TMEM232: variants seen among roughly 807,000 people sequenced by gnomAD.
The protein encoded by TMEM232 is transmembrane protein 232.
A neutral mutation model predicts 78.8 loss-of-function variants in TMEM232; 80 were observed. The observed-to-expected ratio is 1.01, with a 90% CI of 0.85 to 1.22. The LOEUF is 1.22. TMEM232 is among the 50% of genes most tolerant of loss of function. The pLI is 0.00. For missense variants in TMEM232, 881 were observed against 742.2 expected (o/e 1.19, Z -2.17); for synonymous variants, 297 against 254.3 (o/e 1.17, Z -1.60).
chr5:110,617,700 A>G (rs1221868867), intron 8 of TMEM232, among the ~76,000 whole-genome samples: 27 of 152,144 alleles, frequency 1.8e-4, no homozygotes, highest in Admixed American at 1.8e-3. Flanking sequence ...TCACTCCTGT[A>G]ATCCCAGAAC....
chr5:110,639,087 A>G (rs935726238), intron 4 of TMEM232, among the ~76,000 whole-genome samples: 8 of 152,172 alleles, frequency 5.3e-5, no homozygotes, highest in Admixed American at 2.6e-4. Flanking sequence ...GAACCCTGAC[A>G]TGCTCAAGGG....
At chr5:110,647,921 T>A in intron 2 of TMEM232, among the ~76,000 whole-genome samples, 1 of 152,064 alleles carries the variant, frequency 6.6e-6, no homozygotes, top group Admixed American at 6.6e-5. Context: ...TAAATACATT[T>A]ATACATATCA....
In TMEM232 at chr5:110,592,036, T is replaced by C. The variant is rs533119222; in HGVS notation, c.1276+13073A>G. 2.3e-4 allele frequency among the ~76,000 whole-genome samples: 35 copies of C among 152,252 alleles called. 1 individual carries two copies. The East Asian group carries it at 2.9e-3, about 13-fold the overall frequency. ...CACCCAGAAAAAATCATTTTCTCTA[T>C]GTGGAAAAATTACTCAGTAATGCTA... On this transcript the variant is annotated intron_variant, in intron 10 of 13. Transcript: ENST00000455884.
intron 5 of TMEM232, among the ~76,000 whole-genome samples, chr5:110,632,873 A>T (rs1785312954): frequency 6.6e-6 from 1 of 152,220 alleles, no homozygotes. Context: ...AAGTCTACCA[A>T]GAGATTTAGA....
At chr5:110,476,960 T>C (rs2149387070) in intron 12 of TMEM232, among the ~76,000 whole-genome samples, 1 of 152,094 alleles carries the variant, frequency 6.6e-6, no homozygotes, top group African/African-American at 2.4e-5. Flanking sequence ...ATTCCCTTAG[T>C]ATTAAGACAG....
chr5:110,711,529 T>C (rs1796476034), intron 1 of TMEM232, among the ~76,000 whole-genome samples: 1 of 152,078 alleles, frequency 6.6e-6, no homozygotes, highest in Non-Finnish European at 1.5e-5. Flanking sequence ...GAGCTTCAAA[T>C]ATACTTCAAA....
At chr5:110,606,379 G>T (rs1248995134) in intron 8 of TMEM232, 92 bp from the exon 9 acceptor site, 17 of 1,248,430 alleles carry the variant, frequency 1.4e-5, no homozygotes, top group Non-Finnish European at 1.8e-5. Flanking sequence ...TAGGTCAGAG[G>T]AAATGCATGT....
At chr5:110,529,070 A>G (rs1175660250) in intron 11 of TMEM232, among the ~76,000 whole-genome samples, 2 of 152,164 alleles carry the variant, frequency 1.3e-5, no homozygotes, top group Non-Finnish European at 2.9e-5. Context: ...AAATTTTGAA[A>G]ATTTAGTTAG....
At chr5:110,563,100 C>T (rs2149665225) in intron 11 of TMEM232, among the ~76,000 whole-genome samples, 1 of 152,036 alleles carries the variant, frequency 6.6e-6, no homozygotes, top group East Asian at 1.9e-4. Context: ...AGCTAACTTT[C>T]CGCCTTCATT....
intron 1 of TMEM232, among the ~76,000 whole-genome samples, chr5:110,683,844 T>C (rs1476723555): frequency 2.0e-5 from 3 of 151,928 alleles, no homozygotes; most frequent in Admixed American, 2.0e-4. Flanking sequence ...TAAAAAAGAA[T>C]TCATTATAAC....
chr5:110,457,508 C>T (rs563040332), intron 12 of TMEM232, among the ~76,000 whole-genome samples: 1 of 151,934 alleles, frequency 6.6e-6, no homozygotes, highest in Admixed American at 6.6e-5. Context: ...CGGTATTTAG[C>T]CAGGTGAAAT....
At chr5:110,583,202 TG>T (rs1159068040) in intron 10 of TMEM232, among the ~76,000 whole-genome samples, 1 of 151,842 alleles carries the variant, frequency 6.6e-6, no homozygotes, top group East Asian at 1.9e-4. Context: ...AAAACAATCT[TG>T]AAAAAGAACA....
intron 12 of TMEM232, among the ~76,000 whole-genome samples, chr5:110,428,993 T>C (rs565301962): frequency 4.6e-5 from 7 of 151,908 alleles, no homozygotes; most frequent in South Asian, 2.1e-4. Flanking sequence ...GGGACTGAGA[T>C]TACATTGAAG....
intron 1 of TMEM232, among the ~76,000 whole-genome samples, chr5:110,704,175 T>C (rs1795699653): frequency 6.6e-6 from 1 of 152,100 alleles, no homozygotes; most frequent in African/African-American, 2.4e-5. Flanking sequence ...TCACTAGACA[T>C]AGGACTATGT....
In TMEM232 at chr5:110,481,760, G is replaced by C. The variant is rs189928916; in HGVS notation, c.1703+46828C>G. Among the ~76,000 whole-genome samples, 167 of 152,236 alleles carry C rather than the reference G, an allele frequency of 1.1e-3. 4 individuals are homozygous for C. In the South Asian group the frequency reaches 0.034, roughly 31 times the overall value. ...TTTGAAGCAAACATTTGGGTGACTC[G>C]TTGGTCTTTTACATCCAGGTTCTTC... is the stretch of plus-strand genomic sequence containing the variant. On this transcript the variant is annotated intron_variant, in intron 12 of 13. Transcript: ENST00000455884.
chr5:110,490,432 A>G (rs1369866167), intron 12 of TMEM232, among the ~76,000 whole-genome samples: 2 of 152,132 alleles, frequency 1.3e-5, no homozygotes, highest in African/African-American at 4.8e-5. Flanking sequence ...AGATAATAAT[A>G]CTCTGTGAAT....
intron 11 of TMEM232, among the ~76,000 whole-genome samples, chr5:110,549,922 T>C (rs1057245634): frequency 6.6e-6 from 1 of 152,004 alleles, no homozygotes; most frequent in Non-Finnish European, 1.5e-5. Context: ...ATGACAAAAA[T>C]AGAAACCTCT....
At chr5:110,504,638 T>A (rs1053265975) in intron 12 of TMEM232, among the ~76,000 whole-genome samples, 55 of 151,998 alleles carry the variant, frequency 3.6e-4, no homozygotes, top group Admixed American at 3.6e-3. Flanking sequence ...TCAATTCGAG[T>A]CTGAAGACAA....
chr5:110,518,684 G>C (rs1471483765), intron 12 of TMEM232, among the ~76,000 whole-genome samples: 2 of 151,964 alleles, frequency 1.3e-5, no homozygotes, highest in Admixed American at 1.3e-4. Flanking sequence ...TGTACACAAA[G>C]GAAAGCCTGC....
Sources: allele counts gnomAD v4.1 joint callset (sites outside exome capture counted in the v4.1 genomes callset), GRCh38; gene constraint gnomAD v4.1.1; transcripts MANE v1.5; gene names NCBI Gene and HGNC (gene_info 2026-07-23, HGNC 2026-07-21).